LAMC3: variants seen among roughly 807,000 people sequenced by gnomAD.
LAMC3 encodes laminin subunit gamma-3.
A neutral mutation model predicts 173.8 loss-of-function variants in LAMC3; 128 were observed. The observed-to-expected ratio is 0.74, with a 90% CI of 0.64 to 0.85. The LOEUF (loss-of-function observed/expected upper bound fraction) is 0.85, where lower values mean the gene tolerates loss of function less well. Ranked by LOEUF, LAMC3 falls within the 40% of genes least tolerant of loss-of-function variation. The pLI, the probability that LAMC3 is intolerant of heterozygous loss-of-function variation, is 0.00. For missense variants in LAMC3, 2,022 were observed against 2,156.0 expected (o/e 0.94, Z 1.23); for synonymous variants, 897 against 909.1 (o/e 0.99, Z 0.24).
chr9:131,086,761 G>T (rs897832732), intron 25 of LAMC3, among the ~76,000 whole-genome samples: 1 of 151,590 alleles, frequency 6.6e-6, no homozygotes, highest in African/African-American at 2.4e-5. Context: ...ATGGTGGCTC[G>T]CACCTGTAGT....
intron 13 of LAMC3, among the ~76,000 whole-genome samples, chr9:131,066,211 C>T (rs1829929261): frequency 6.6e-6 from 1 of 151,016 alleles, no homozygotes; most frequent in Non-Finnish European, 1.5e-5. Context: ...ATAAAAATAG[C>T]CGGTTGTGGT....
intron 2 of LAMC3, among the ~76,000 whole-genome samples, chr9:131,030,630 C>T (rs144969800): frequency 3.0e-4 from 46 of 152,350 alleles, no homozygotes; most frequent in Non-Finnish European, 6.0e-4. Flanking sequence ...ACAATACCTA[C>T]TTCAGGGTTA....
chr9:131,091,790 GC>G lies in LAMC3; in HGVS notation c.*4del. 6.2e-7 allele frequency: 1 copy of G among 1,611,940 alleles called. No homozygotes were observed. The highest frequency in any genetic ancestry group is 8.5e-7 in the Non-Finnish European group (1 of 1,179,964). ...AGAACTGTGCCAGCTGGCAGTGAGG[GC>G]TGCCCAGATCCCCGGCACACACTCC... On this transcript the variant is annotated 3_prime_UTR_variant, in exon 28 of 28. Coordinates refer to ENST00000361069, the MANE Select transcript of LAMC3 (RefSeq NM_006059.4).
intron 7 of LAMC3, among the ~76,000 whole-genome samples, 183 bp from the exon 8 acceptor site, chr9:131,045,341 T>G (rs1468939572): frequency 2.0e-5 from 3 of 152,180 alleles, no homozygotes; most frequent in South Asian, 2.1e-4. Flanking sequence ...GGGGAGGCTG[T>G]CTGAAGCAGG....
intron 21 of LAMC3, 30 bp from the exon 22 acceptor site, chr9:131,077,157 C>T (rs374663860): frequency 3.4e-5 from 54 of 1,611,768 alleles, no homozygotes; most frequent in Non-Finnish European, 4.3e-5. Context: ...TAGTTCTGCA[C>T]CCAGCTCCGT....
chr9:131,020,703 G>A (rs920097267), intron 1 of LAMC3, among the ~76,000 whole-genome samples: 1 of 152,194 alleles, frequency 6.6e-6, no homozygotes, highest in African/African-American at 2.4e-5. Flanking sequence ...ACAGAGAGGA[G>A]GGCTAACACA....
rs1830435549 is a variant in LAMC3, at chr9:131,091,934, C to A, written c.*147C>A. ...CCCCGTGTGGATAGTCACTCCCTGCCGATTCTGTCTGTGGCTTCTTCCCTG... is the reference window on the plus strand; with the variant it reads ...CCCCGTGTGGATAGTCACTCCCTGCAGATTCTGTCTGTGGCTTCTTCCCTG... On this transcript the variant is annotated 3_prime_UTR_variant, in exon 28 of 28. Transcript: ENST00000361069. The A allele has an allele frequency of 4.3e-6, 4 of 929,888 alleles. No homozygotes were observed. In the Admixed American group the frequency reaches 9.1e-5, roughly 21 times the overall value. The allele number at this position is 929,888 out of a possible 1,614,324, so 57.6% of individuals were successfully genotyped here. A position where few individuals can be genotyped will look rare whatever the true frequency, so the allele number is the denominator to read the frequency against.
At position 131,052,982 on chromosome 9, in the gene LAMC3, A is replaced by G; in HGVS notation, c.1939+17A>G. 1 of 1,569,678 alleles carries G rather than the reference A, an allele frequency of 6.4e-7. No homozygotes were observed. The highest frequency in any genetic ancestry group is 8.8e-7 in the Non-Finnish European group (1 of 1,142,562). ...GCCCTGCCGGTCAGTAAAGACAACC[A>G]CATGCCCAAGACCCGAGTGCTTGCC... On this transcript the variant is annotated intron_variant, in intron 11 of 27. Transcript: ENST00000361069.
At position 131,049,135 on chromosome 9, in the gene LAMC3, C is replaced by A. The variant is rs184221540; in HGVS notation, c.1630+5C>A. ...AGGAGGAGCTCACAGCACCAGGTAC[C>A]TCCAGCACCAGGTGGGGGCTGGCCG... is the stretch of plus-strand genomic sequence containing the variant. On this transcript the variant is annotated splice_donor_5th_base_variant and intron_variant, in intron 9 of 27. Coordinates refer to ENST00000361069, the MANE Select transcript of LAMC3 (RefSeq NM_006059.4). The A allele has an allele frequency of 2.0e-6, 3 of 1,526,108 alleles. No homozygotes were observed. Among genetic ancestry groups the A allele is most frequent in the Non-Finnish European group, 2.7e-6 (3 of 1,123,596 alleles). 94.5% of individuals were successfully genotyped at this position (1,526,108 alleles called of 1,614,324 possible). A position where few individuals can be genotyped will look rare whatever the true frequency, so the allele number is the denominator to read the frequency against.
intron 15 of LAMC3, 95 bp from the exon 16 acceptor site, chr9:131,068,813 C>T: frequency 7.2e-7 from 1 of 1,382,180 alleles, no homozygotes; most frequent in South Asian, 1.2e-5. Flanking sequence ...CAGCAGAGGG[C>T]TGTGATCTGA....
At chr9:131,080,905 A>G (rs1189624003) in intron 23 of LAMC3, among the ~76,000 whole-genome samples, 1 of 152,118 alleles carries the variant, frequency 6.6e-6, no homozygotes, top group East Asian at 1.9e-4. Flanking sequence ...CTATTTATTT[A>G]TTCTTGTTAC....
rs774973503 is a variant in LAMC3 at position 131,032,108 on chromosome 9, A to G, written c.742A>G (p.Ile248Val). Residue 248 changes from isoleucine to valine, a missense_variant, in exon 3 of 28, where the codon ATC becomes GTC. By Grantham distance (29) the Ile-to-Val change is conservative (BLOSUM62 3). Transcript: ENST00000361069. ...CCGGCTCAACACGTTTGGGGACGACATCTTCAAGGACCCCAAGGTGCTCCA... is the reference window on the plus strand; with the variant it reads ...CCGGCTCAACACGTTTGGGGACGACGTCTTCAAGGACCCCAAGGTGCTCCA... ...LDRLNTFGDDIFKDPKVLQSY... is the reference protein window; with the variant it reads ...LDRLNTFGDDVFKDPKVLQSY... 6.2e-7 allele frequency: 1 copy of G among 1,613,874 alleles called. No homozygotes were observed. Among genetic ancestry groups the G allele is most frequent in the East Asian group, 2.2e-5 (1 of 44,840 alleles).
chr9:131,077,384 T>C, intron 22 of LAMC3, 50 bp downstream of exon 22: 2 of 1,606,656 alleles, frequency 1.2e-6, no homozygotes, highest in Non-Finnish European at 1.7e-6. Flanking sequence ...GGATCTATTA[T>C]AGAAGCTGGA....
At chr9:131,073,871 G>A (rs1220333382) in intron 20 of LAMC3, among the ~76,000 whole-genome samples, 1 of 151,856 alleles carries the variant, frequency 6.6e-6, no homozygotes, top group Non-Finnish European at 1.5e-5. Flanking sequence ...TTTCATAGAA[G>A]TGGAATCAGA....
chr9:131,073,227 T>C lies in LAMC3; in HGVS notation c.3418-18T>C, dbSNP rs1157071716. 1.9e-6 allele frequency: 3 copies of C among 1,603,240 alleles called. No individual in the cohort carries two copies. Among genetic ancestry groups the C allele is most frequent in the Admixed American group, 1.7e-5 (1 of 60,010 alleles). On this transcript the variant is annotated intron_variant, in intron 19 of 27. Transcript: ENST00000361069. ...GCGATGGGCCATCAGTTTCCTCCTC[T>C]TCCTCTTCTTTCTACAGGAGATTCC...
intron 2 of LAMC3, among the ~76,000 whole-genome samples, chr9:131,027,456 G>A (rs888647372): frequency 6.6e-6 from 1 of 152,166 alleles, no homozygotes; most frequent in African/African-American, 2.4e-5. Flanking sequence ...ATAGAGCCCT[G>A]GGTCCCACGC....
chr9:131,032,480 T>C (rs1280683025), intron 3 of LAMC3, among the ~76,000 whole-genome samples: 6 of 135,738 alleles, frequency 4.4e-5, no homozygotes, highest in Middle Eastern at 3.5e-3. Context: ...CTCGCTCTCT[T>C]TCTCTCGCTC....
chr9:131,024,139 A>T (rs147557592), intron 1 of LAMC3, among the ~76,000 whole-genome samples: 5 of 149,214 alleles, frequency 3.4e-5, no homozygotes, highest in African/African-American at 1.3e-4. Flanking sequence ...CTTCTAAGAA[A>T]GAAGTTTTAG....
At chr9:131,039,975 AAAAAC>A (rs1024806606) in intron 6 of LAMC3, among the ~76,000 whole-genome samples, 30 of 148,644 alleles carry the variant, frequency 2.0e-4, no homozygotes, top group Admixed American at 1.4e-3. Flanking sequence ...GCCAAAAAAC[AAAAAC>A]AAAACAAAAC....
Sources: gnomAD v4.1 joint callset for allele counts (sites outside exome capture counted in the v4.1 genomes callset) on GRCh38, gnomAD v4.1.1 for gene constraint, MANE v1.5 for transcripts, NCBI Gene and HGNC (gene_info 2026-07-23, HGNC 2026-07-21) for gene names.